Variants in WARS2 observed in about 807,000 individuals in gnomAD.
WARS2 encodes the protein tryptophanyl tRNA synthetase 2, mitochondrial, also known as tryptophan--tRNA ligase, mitochondrial.
In WARS2, 28 loss-of-function variants were observed where a neutral mutation model predicts 36.5. That is an observed-to-expected ratio of 0.77 (90% CI 0.57 to 1.05). WARS2 has a LOEUF of 1.05. WARS2 is among the 50% of genes least tolerant of loss of function. The pLI is 0.00. For missense variants in WARS2, 435 were observed against 456.8 expected, an observed-to-expected ratio of 0.95 and a Z score of 0.44; for synonymous variants, 174 against 178.4, an observed-to-expected ratio of 0.98 and a Z score of 0.20.
chr1:119,136,115 T>C (rs1341923214), intron 1 of WARS2, among the ~76,000 whole-genome samples: 1 of 152,026 alleles, frequency 6.6e-6, no homozygotes, highest in Non-Finnish European at 1.5e-5. Flanking sequence ...GTATAAAAAA[T>C]ATATATTTGT....
intron 4 of WARS2, among the ~76,000 whole-genome samples, chr1:119,038,727 C>T (rs982589808): frequency 2.0e-5 from 3 of 152,154 alleles, no homozygotes; most frequent in African/African-American, 7.2e-5. Flanking sequence ...GTCACCCAGG[C>T]TAGAGTGCAG....
chr1:119,033,196 CG>C lies in WARS2; in HGVS notation c.797del (p.Pro266ArgfsTer10), dbSNP rs746478253. ...TGTTGGACACGCCAGCGCGGCCAGCCGGGTCATAGGTGACCTCCGAGGTGAA... is the reference window on the plus strand; with the variant it reads ...TGTTGGACACGCCAGCGCGGCCAGCCGGTCATAGGTGACCTCCGAGGTGAA... ...TDFTSEVTYDPAGRAGVSNIV... is the reference protein window; with the variant it reads ...TDFTSEVTYDXAGRAGVSNIV... On this transcript the variant is annotated frameshift_variant, in exon 6 of 6. Coordinates refer to ENST00000235521, the MANE Select transcript of WARS2 (RefSeq NM_015836.4). LOFTEE classifies it high-confidence loss of function. 2.4e-5 allele frequency: 39 copies of C among 1,614,130 alleles called. No homozygotes were observed. The highest frequency in any genetic ancestry group is 3.2e-5 in the Non-Finnish European group (38 of 1,180,058).
chr1:119,039,002 C>T (rs1648122497), intron 4 of WARS2, among the ~76,000 whole-genome samples: 1 of 152,212 alleles, frequency 6.6e-6, no homozygotes, highest in Non-Finnish European at 1.5e-5. Context: ...TTCTTATCCT[C>T]TTCCCAAATT....
At chr1:119,066,126 T>A (rs973619155) in intron 2 of WARS2, among the ~76,000 whole-genome samples, 3 of 149,922 alleles carry the variant, frequency 2.0e-5, no homozygotes, top group Non-Finnish European at 4.4e-5. Context: ...TTGGCTATAT[T>A]AAAAAAAAAC....
intron 1 of WARS2, among the ~76,000 whole-genome samples, chr1:119,094,822 C>T (rs1027376099): frequency 6.6e-6 from 1 of 152,078 alleles, no homozygotes; most frequent in East Asian, 1.9e-4. Flanking sequence ...CATCCTCTGA[C>T]CTACATCTCT....
At chr1:119,132,892 C>A (rs779323615) in intron 1 of WARS2, among the ~76,000 whole-genome samples, 1 of 152,160 alleles carries the variant, frequency 6.6e-6, no homozygotes. Flanking sequence ...CTTTCAGAAT[C>A]AAATTCTTCC....
intron 1 of WARS2, among the ~76,000 whole-genome samples, chr1:119,086,279 T>C (rs1396683235): frequency 6.6e-6 from 1 of 152,180 alleles, no homozygotes; most frequent in Admixed American, 6.5e-5. Context: ...TGCTCACACA[T>C]CCACATTGAC....
At chr1:119,080,483 C>T (rs1248257550) in intron 1 of WARS2, among the ~76,000 whole-genome samples, 2 of 152,072 alleles carry the variant, frequency 1.3e-5, no homozygotes, top group East Asian at 1.9e-4. Flanking sequence ...GGATTCTATA[C>T]ATTAGTGCAG....
chr1:119,064,212 T>G (rs1254799448), intron 2 of WARS2: 1 of 152,218 alleles, frequency 6.6e-6, no homozygotes, highest in Non-Finnish European at 1.5e-5. Flanking sequence ...TGGACTTGTA[T>G]GAGCCCTGTA....
intron 2 of WARS2, among the ~76,000 whole-genome samples, chr1:119,056,186 A>ATTTTTTTTTTTTTTTT: frequency 8.6e-6 from 1 of 116,174 alleles, no homozygotes; most frequent in Non-Finnish European, 1.7e-5. Flanking sequence ...TGCCTGGCTA[A>ATTTTTTTTTTTTTTTT]TTTTTTTTTT....
At chr1:119,097,423 T>G (rs1653517647) in intron 1 of WARS2, among the ~76,000 whole-genome samples, 1 of 152,240 alleles carries the variant, frequency 6.6e-6, no homozygotes. Flanking sequence ...TTCCCCTCCA[T>G]GAATTGTATA....
intron 1 of WARS2, among the ~76,000 whole-genome samples, chr1:119,098,063 A>C (rs1653570729): frequency 6.6e-6 from 1 of 152,094 alleles, no homozygotes; most frequent in Non-Finnish European, 1.5e-5. Flanking sequence ...AGCCTGGCCA[A>C]TATGGTGAAA....
intron 1 of WARS2, among the ~76,000 whole-genome samples, chr1:119,133,160 C>T (rs1366284718): frequency 6.6e-6 from 1 of 152,166 alleles, no homozygotes; most frequent in Non-Finnish European, 1.5e-5. Context: ...GTGTTAAAAG[C>T]CCTTATTTTA....
intron 1 of WARS2, among the ~76,000 whole-genome samples, chr1:119,122,369 C>T (rs1416369389): frequency 6.6e-6 from 1 of 152,032 alleles, no homozygotes; most frequent in Non-Finnish European, 1.5e-5. Context: ...GCAAGAATGG[C>T]CATAATTTAA....
At chr1:119,070,365 G>A (rs942588457) in intron 2 of WARS2, among the ~76,000 whole-genome samples, 1 of 151,906 alleles carries the variant, frequency 6.6e-6, no homozygotes, top group Admixed American at 6.6e-5. Flanking sequence ...GGGTTCACCC[G>A]ATTCTCCTGC....
At chr1:119,062,473 A>C (rs571176060) in intron 2 of WARS2, among the ~76,000 whole-genome samples, 1 of 152,206 alleles carries the variant, frequency 6.6e-6, no homozygotes, top group South Asian at 2.1e-4. Flanking sequence ...AAATAAAAAA[A>C]AAAGGACTTT....
chr1:119,088,817 T>G (rs1028010889), intron 1 of WARS2, among the ~76,000 whole-genome samples: 1 of 151,892 alleles, frequency 6.6e-6, no homozygotes, highest in Non-Finnish European at 1.5e-5. Flanking sequence ...CACTGAGGAG[T>G]GTTCAACATC....
intron 1 of WARS2, among the ~76,000 whole-genome samples, chr1:119,117,815 C>G (rs1655073290): frequency 6.6e-6 from 1 of 152,086 alleles, no homozygotes; most frequent in African/African-American, 2.4e-5. Context: ...GGTAGCTAGA[C>G]CCAGAAAAGC....
At chr1:119,100,562 T>A (rs1051091444) in intron 1 of WARS2, among the ~76,000 whole-genome samples, 1 of 152,178 alleles carries the variant, frequency 6.6e-6, no homozygotes, top group Non-Finnish European at 1.5e-5. Flanking sequence ...AACAGATGAA[T>A]GGATAAAGAA....
Sources: gnomAD v4.1 joint callset for allele counts (sites outside exome capture counted in the v4.1 genomes callset) on GRCh38, gnomAD v4.1.1 for gene constraint, MANE v1.5 for transcripts, NCBI Gene and HGNC (gene_info 2026-07-23, HGNC 2026-07-21) for gene names.